KATNIP: variants seen among roughly 807,000 people sequenced by gnomAD.
KATNIP encodes katanin-interacting protein.
Under a neutral mutation model 174.0 loss-of-function variants are expected in KATNIP, and 126 were observed. That is an observed-to-expected ratio of 0.72 (90% CI 0.63 to 0.84). The LOEUF (loss-of-function observed/expected upper bound fraction) is 0.84, where lower values mean the gene tolerates loss of function less well. Ranked by LOEUF, KATNIP falls within the 40% of genes least tolerant of loss-of-function variation. The pLI is 0.00. For synonymous variants in KATNIP, 810 were observed against 835.7 expected (o/e 0.97, Z 0.53); for missense variants, 1,958 against 2,109.7 (o/e 0.93, Z 1.41).
intron 14 of KATNIP, among the ~76,000 whole-genome samples, chr16:27,723,253 C>A (rs1367288512): frequency 1.3e-5 from 2 of 152,130 alleles, no homozygotes; most frequent in African/African-American, 4.8e-5. Flanking sequence ...CAAGGTCAAC[C>A]CCCTGAGTGT....
chr16:27,627,522 A>G (rs1266083185), intron 3 of KATNIP, among the ~76,000 whole-genome samples: 1 of 152,220 alleles, frequency 6.6e-6, no homozygotes, highest in Non-Finnish European at 1.5e-5. Context: ...GTTCATGAAA[A>G]TGTGAACAAA....
intron 6 of KATNIP, among the ~76,000 whole-genome samples, chr16:27,667,270 G>A (rs1190800090): frequency 7.9e-5 from 12 of 151,488 alleles, no homozygotes; most frequent in East Asian, 1.9e-4. Context: ...AGCCATGATC[G>A]TGCCACTGCA....
At chr16:27,617,258 AATTATGTC>A (rs1311037125) in intron 2 of KATNIP, among the ~76,000 whole-genome samples, 38 of 152,310 alleles carry the variant, frequency 2.5e-4, no homozygotes, top group African/African-American at 8.4e-4. Flanking sequence ...CAGGGACTCA[AATTATGTC>A]ATTAGGAATC....
chr16:27,630,641 A>G (rs543262745), intron 4 of KATNIP, among the ~76,000 whole-genome samples: 8 of 152,156 alleles, frequency 5.3e-5, no homozygotes, highest in Non-Finnish European at 8.8e-5. Flanking sequence ...AGATAACAGG[A>G]TTCTGTGTAC....
chr16:27,774,682 ACGT>A (rs1404797763), intron 23 of KATNIP, among the ~76,000 whole-genome samples: 2 of 152,156 alleles, frequency 1.3e-5, no homozygotes, highest in Non-Finnish European at 2.9e-5. Context: ...GTTCCCTGCA[ACGT>A]CTCTTTTTCA....
At chr16:27,750,595 A>ATTT (rs572859532) in intron 16 of KATNIP, among the ~76,000 whole-genome samples, 4 of 103,532 alleles carry the variant, frequency 3.9e-5, no homozygotes, top group Admixed American at 2.9e-4. Flanking sequence ...AATTTTTTGT[A>ATTT]TTTTTTTTTT....
At chr16:27,652,590 G>T (rs2077151982) in intron 6 of KATNIP, among the ~76,000 whole-genome samples, 1 of 151,996 alleles carries the variant, frequency 6.6e-6, no homozygotes, top group Non-Finnish European at 1.5e-5. Flanking sequence ...GAGGTGAAGG[G>T]TCGCTTAAGA....
At chr16:27,557,001 T>A (rs962963916) in intron 1 of KATNIP, among the ~76,000 whole-genome samples, 1 of 152,180 alleles carries the variant, frequency 6.6e-6, no homozygotes, top group Non-Finnish European at 1.5e-5. Flanking sequence ...TATTTTTCCT[T>A]ATGAGATTCA....
intron 13 of KATNIP, among the ~76,000 whole-genome samples, chr16:27,714,060 C>A (rs2079814285): frequency 6.6e-6 from 1 of 151,288 alleles, no homozygotes; most frequent in Non-Finnish European, 1.5e-5. Context: ...TCCAATCCAC[C>A]AACCTCATTC....
intron 19 of KATNIP, among the ~76,000 whole-genome samples, chr16:27,763,598 G>A (rs1173096344): frequency 7.2e-6 from 1 of 139,388 alleles, no homozygotes; most frequent in African/African-American, 2.7e-5. Context: ...CTGGGCAACA[G>A]AGCGGGACCC....
At position 27,585,930 on chromosome 16, in the gene KATNIP, T is replaced by C. The variant is rs188438619; in HGVS notation, c.63+11974T>C. ...CAGCCCAGGCAACATGGTGAAACCCTGTCTCTACTGAAAATACAAAATTAG... is the reference window on the plus strand; with the variant it reads ...CAGCCCAGGCAACATGGTGAAACCCCGTCTCTACTGAAAATACAAAATTAG... On this transcript the variant is annotated intron_variant, in intron 2 of 27. Coordinates refer to ENST00000261588, the MANE Select transcript of KATNIP (RefSeq NM_015202.5). Among the ~76,000 whole-genome samples, 48 of 152,018 alleles carry C rather than the reference T, an allele frequency of 3.2e-4. 1 individual carries two copies. The highest frequency in any genetic ancestry group is 8.7e-4 in the African/African-American group (36 of 41,468).
intron 6 of KATNIP, among the ~76,000 whole-genome samples, chr16:27,667,582 G>T (rs76715028): frequency 4.6e-5 from 7 of 152,122 alleles, no homozygotes; most frequent in African/African-American, 4.8e-5. Flanking sequence ...GCAGGGGGTT[G>T]GTTGGGGAGG....
intron 17 of KATNIP, among the ~76,000 whole-genome samples, chr16:27,753,037 C>G (rs1241433990): frequency 2.0e-5 from 3 of 151,914 alleles, no homozygotes; most frequent in African/African-American, 7.3e-5. Flanking sequence ...TCGTGTGGAC[C>G]CCATGGTGTT....
At chr16:27,717,646 G>A (rs2080015240) in intron 13 of KATNIP, among the ~76,000 whole-genome samples, 1 of 152,178 alleles carries the variant, frequency 6.6e-6, no homozygotes, top group African/African-American at 2.4e-5. Flanking sequence ...TGTTGGGCAA[G>A]TTATGGAGTA....
At chr16:27,593,317 C>T (rs1415082071) in intron 2 of KATNIP, among the ~76,000 whole-genome samples, 1 of 147,234 alleles carries the variant, frequency 6.8e-6, no homozygotes, top group Non-Finnish European at 1.5e-5. Context: ...CAGCTCACTG[C>T]AACCTCCACC....
chr16:27,560,283 GAAAAAAAAAAAA>G (rs765910684), intron 1 of KATNIP, among the ~76,000 whole-genome samples: 3 of 44,988 alleles, frequency 6.7e-5, no homozygotes, highest in Admixed American at 2.5e-4. Flanking sequence ...CTCTGTCTCA[GAAAAAAAAAAAA>G]AAAAAAAAAA....
chr16:27,719,627 C>G (rs1051662284), intron 13 of KATNIP, among the ~76,000 whole-genome samples: 3 of 151,780 alleles, frequency 2.0e-5, no homozygotes, highest in Non-Finnish European at 4.4e-5. Context: ...ATGATCCACC[C>G]GCCTCAGCCT....
intron 1 of KATNIP, among the ~76,000 whole-genome samples, chr16:27,570,210 T>G (rs946349661): frequency 2.6e-5 from 4 of 152,102 alleles, no homozygotes; most frequent in Non-Finnish European, 5.9e-5. Context: ...AGGGAAGTGG[T>G]CAGATTCCTA....
intron 1 of KATNIP, among the ~76,000 whole-genome samples, chr16:27,552,694 T>G (rs1309163910): frequency 1.4e-5 from 2 of 143,476 alleles, no homozygotes; most frequent in African/African-American, 5.2e-5. Context: ...CAGTTTTTTT[T>G]TTTTTTTTTT....
Sources: allele counts gnomAD v4.1 joint callset (sites outside exome capture counted in the v4.1 genomes callset), GRCh38; gene constraint gnomAD v4.1.1; transcripts MANE v1.5; gene names NCBI Gene and HGNC (gene_info 2026-07-23, HGNC 2026-07-21).